The following BRIP1 variants were observed in gnomAD, a reference collection of about 807,000 sequenced individuals.
The protein encoded by BRIP1 is BRCA1 interacting DNA helicase 1, also known as Fanconi anemia group J protein.
A neutral mutation model predicts 119.7 loss-of-function variants in BRIP1; 88 were observed. The ratio of observed to expected loss-of-function variants is 0.74; its 90% confidence interval spans 0.62 to 0.88. BRIP1 has a LOEUF of 0.88. Among genes scored for constraint, BRIP1 ranks in the 40% least tolerant of loss-of-function variants. BRIP1 has a pLI of 0.00. For synonymous variants in BRIP1, 443 were observed against 496.5 expected (o/e 0.89, Z 1.43); for missense variants, 1,259 against 1,455.4 (o/e 0.87, Z 2.20).
At chr17:61,733,529 A>G (rs1215589762) in intron 16 of BRIP1, among the ~76,000 whole-genome samples, 2 of 152,120 alleles carry the variant, frequency 1.3e-5, no homozygotes, top group Non-Finnish European at 1.5e-5. Context: ...AAGCCTATCA[A>G]TTTTTTTGTG....
At position 61,802,016 on chromosome 17, in the gene BRIP1, G is replaced by A. The variant is rs1035105271; in HGVS notation, c.919-542C>T. Among the ~76,000 whole-genome samples the A allele has an allele frequency of 6.6e-6, 1 of 151,988 alleles. No individual in the cohort carries two copies. The highest frequency in any genetic ancestry group is 2.4e-5 in the African/African-American group (1 of 41,380). On this transcript the variant is annotated intron_variant, in intron 7 of 19. Coordinates refer to ENST00000259008, the MANE Select transcript of BRIP1 (RefSeq NM_032043.3). This position sits in a 1 kb window ranked among gnomAD's most constrained non-coding sequence, Gnocchi z 6.0. ...CTAAGGGGAAAAAAAGAAAGTAAGAGTATTCACTACAAAATATTCAGGAGT... is the reference window on the plus strand; with the variant it reads ...CTAAGGGGAAAAAAAGAAAGTAAGAATATTCACTACAAAATATTCAGGAGT...
In BRIP1 at chr17:61,794,707, A is replaced by C. The variant is rs2077873354; in HGVS notation, c.1341-978T>G. Among the ~76,000 whole-genome samples, 1 of 152,000 alleles carries C rather than the reference A, an allele frequency of 6.6e-6. No homozygotes were observed. The highest frequency in any genetic ancestry group is 1.5e-5 in the Non-Finnish European group (1 of 67,994). On this transcript the variant is annotated intron_variant, in intron 9 of 19. Coordinates refer to ENST00000259008, the MANE Select transcript of BRIP1 (RefSeq NM_032043.3). This position sits in a 1 kb window ranked among gnomAD's most constrained non-coding sequence, Gnocchi z 4.3. Reference sequence around the variant, plus strand: ...AAAGTTAAAAAAAAAAGTTCTAATAAAATGAAAAAAAAATCAGGTAATTAT... The same window carrying C: ...AAAGTTAAAAAAAAAAGTTCTAATACAATGAAAAAAAAATCAGGTAATTAT...
chr17:61,703,145 A>G lies in BRIP1; in HGVS notation c.2493-9633T>C, dbSNP rs2061642015. 6.6e-6 allele frequency among the ~76,000 whole-genome samples: 1 copy of G among 152,048 alleles called. No individual in the cohort carries two copies. Among genetic ancestry groups the G allele is most frequent in the African/African-American group, 2.4e-5 (1 of 41,410 alleles). On this transcript the variant is annotated intron_variant, in intron 17 of 19. Transcript: ENST00000259008. This position sits in a 1 kb window ranked among gnomAD's most constrained non-coding sequence, Gnocchi z 5.0. ...AGTGGCACAATCCCAACTCACTGCAAACTCCACCTCCCGGGTTCAAACGAT... is the reference window on the plus strand; with the variant it reads ...AGTGGCACAATCCCAACTCACTGCAGACTCCACCTCCCGGGTTCAAACGAT...
chr17:61,790,084 T>C (rs986628524), intron 10 of BRIP1, among the ~76,000 whole-genome samples: 10 of 152,210 alleles, frequency 6.6e-5, no homozygotes, highest in East Asian at 1.9e-4. Context: ...AGATGTTCCT[T>C]TGTGCCCCTT....
Position 61,740,601 on chromosome 17 carries a change from T to A in BRIP1, c.2379+2412A>T, listed in dbSNP as rs1227023236. Among the ~76,000 whole-genome samples the A allele has an allele frequency of 6.6e-6, 1 of 152,172 alleles. No individual in the cohort carries two copies. Among genetic ancestry groups the A allele is most frequent in the Non-Finnish European group, 1.5e-5 (1 of 68,036 alleles). On this transcript the variant is annotated intron_variant, in intron 16 of 19. Transcript: ENST00000259008. This position sits in a 1 kb window ranked among gnomAD's most constrained non-coding sequence, Gnocchi z 5.4. ...CCCTGAGAGACATTGCAAGTTTGGTTCCAGACCACCCCAATAAGGAGAATA... is the reference window on the plus strand; with the variant it reads ...CCCTGAGAGACATTGCAAGTTTGGTACCAGACCACCCCAATAAGGAGAATA...
Position 61,742,936 on chromosome 17 carries a change from T to C in BRIP1, c.2379+77A>G, listed in dbSNP as rs2144672913. ...ACTATAAAAGCAAAGCGCAATAAAA[T>C]GAGGGATCCCTGCAATTAACTTTAT... On this transcript the variant is annotated intron_variant, in intron 16 of 19. Coordinates refer to ENST00000259008, the MANE Select transcript of BRIP1 (RefSeq NM_032043.3). The surrounding 1 kb of genome is among the most constrained non-coding windows in gnomAD (Gnocchi z 4.7). 2 of 1,564,490 alleles carry C rather than the reference T, an allele frequency of 1.3e-6. No homozygotes were observed. Among genetic ancestry groups the C allele is most frequent in the Non-Finnish European group, 1.8e-6 (2 of 1,136,896 alleles).
chr17:61,822,282 T>C lies in BRIP1; in HGVS notation c.628-13525A>G, dbSNP rs12939624. Among the ~76,000 whole-genome samples, 3 of 152,194 alleles carry C rather than the reference T, an allele frequency of 2.0e-5. No individual in the cohort carries two copies. Among genetic ancestry groups the C allele is most frequent in the East Asian group, 3.8e-4 (2 of 5,206 alleles). ...TGTTACTAGAATTTTTATAAGCAAA[T>C]ATCACTTTTATAAAAACAATTACAT... On this transcript the variant is annotated intron_variant, in intron 6 of 19. Coordinates refer to ENST00000259008, the MANE Select transcript of BRIP1 (RefSeq NM_032043.3). The surrounding 1 kb of genome is among the most constrained non-coding windows in gnomAD (Gnocchi z 4.4).
Position 61,801,435 on chromosome 17 carries a change from T to C in BRIP1, c.958A>G (p.Ser320Gly), listed in dbSNP as rs2145341128. ...AAAGTCTGTAATGTGTGCTGATCAC[T>C]AATTTTATGAACTCCATGATAAAAA... Reference protein sequence around the residue: ...CYFYHGVHKISDQHTLQTFQG... With the variant: ...CYFYHGVHKIGDQHTLQTFQG... Residue 320 changes from serine to glycine, a missense_variant, in exon 8 of 20, where the codon AGT becomes GGT. By Grantham distance (56) the Ser-to-Gly change is moderately conservative. This residue lies in a region of BRIP1 where 501 missense variants were observed against 544.0 expected (regional missense o/e 0.92). Coordinates refer to ENST00000259008, the MANE Select transcript of BRIP1 (RefSeq NM_032043.3). The C allele has an allele frequency of 1.9e-6, 3 of 1,613,730 alleles. No individual in the cohort carries two copies. Among genetic ancestry groups the C allele is most frequent in the Non-Finnish European group, 2.5e-6 (3 of 1,179,700 alleles).
chr17:61,727,155 C>T (rs1051270422), intron 16 of BRIP1, among the ~76,000 whole-genome samples: 4 of 152,144 alleles, frequency 2.6e-5, no homozygotes, highest in African/African-American at 9.7e-5. Flanking sequence ...GGCAAGATTG[C>T]TCATGGAAGA....
Position 61,860,782 on chromosome 17 carries a change from G to GA in BRIP1, c.93+664dup, listed in dbSNP as rs2078963206. 6.6e-6 allele frequency among the ~76,000 whole-genome samples: 1 copy of GA among 152,070 alleles called. No homozygotes were observed. The highest frequency in any genetic ancestry group is 2.4e-5 in the African/African-American group (1 of 41,400). On this transcript the variant is annotated intron_variant, in intron 2 of 19. Coordinates refer to ENST00000259008, the MANE Select transcript of BRIP1 (RefSeq NM_032043.3). The surrounding 1 kb of genome is among the most constrained non-coding windows in gnomAD (Gnocchi z 4.1). ...TAAATTCTGGTATATTCATCCAATG[G>GA]AATTTATACAACAATTAAAATGGAT...
chr17:61,844,829 C>A lies in BRIP1; in HGVS notation c.627+2272G>T, dbSNP rs922853825. On this transcript the variant is annotated intron_variant, in intron 6 of 19. Transcript: ENST00000259008. This position sits in a 1 kb window ranked among gnomAD's most constrained non-coding sequence, Gnocchi z 4.7. ...AGGCAGGATTTAGCTCTACTATTTA[C>A]TAGCTTTGTGATCTTAGGCCAGTTT... Among the ~76,000 whole-genome samples the A allele has an allele frequency of 1.3e-5, 2 of 152,220 alleles. No homozygotes were observed. Among genetic ancestry groups the A allele is most frequent in the Non-Finnish European group, 2.9e-5 (2 of 68,032 alleles).
Position 61,780,723 on chromosome 17 carries a change from C to G in BRIP1, c.1794+117G>C. The G allele has an allele frequency of 7.9e-7, 1 of 1,269,804 alleles. No homozygotes were observed. Among genetic ancestry groups the G allele is most frequent in the East Asian group, 2.3e-5 (1 of 42,672 alleles). The allele number at this position is 1,269,804 out of a possible 1,614,324, so 78.7% of individuals were successfully genotyped here. A position where few individuals can be genotyped will look rare whatever the true frequency, so the allele number is the denominator to read the frequency against. On this transcript the variant is annotated intron_variant, in intron 12 of 19. Coordinates refer to ENST00000259008, the MANE Select transcript of BRIP1 (RefSeq NM_032043.3). The surrounding 1 kb of genome is among the most constrained non-coding windows in gnomAD (Gnocchi z 5.4). ...AGCCTGGGTGAAGAGCAAGACCCTGCCTCAAAACAACAACAACAACAACAA... is the reference window on the plus strand; with the variant it reads ...AGCCTGGGTGAAGAGCAAGACCCTGGCTCAAAACAACAACAACAACAACAA...
chr17:61,839,519 C>T (rs1367599891), intron 6 of BRIP1, among the ~76,000 whole-genome samples: 1 of 152,046 alleles, frequency 6.6e-6, no homozygotes, highest in Admixed American at 6.5e-5. Context: ...CTTTGCATTG[C>T]AAAAGTGCTT....
chr17:61,791,509 A>AAAAAAAAC, intron 10 of BRIP1, among the ~76,000 whole-genome samples: 1 of 149,004 alleles, frequency 6.7e-6, no homozygotes. Flanking sequence ...AAAAAAAAAA[A>AAAAAAAAC]AGAATTTGAG....
intron 6 of BRIP1, among the ~76,000 whole-genome samples, chr17:61,817,180 T>A (rs2078249046): frequency 6.6e-6 from 1 of 151,988 alleles, no homozygotes; most frequent in South Asian, 2.1e-4. Context: ...GATTATTAAA[T>A]CCAAACAATC....
rs1166577499 is a variant in BRIP1, at chr17:61,740,700, G to A, written c.2379+2313C>T. Among the ~76,000 whole-genome samples, 2 of 152,132 alleles carry A rather than the reference G, an allele frequency of 1.3e-5. No homozygotes were observed. Among genetic ancestry groups the A allele is most frequent in the East Asian group, 1.9e-4 (1 of 5,200 alleles). On this transcript the variant is annotated intron_variant, in intron 16 of 19. Coordinates refer to ENST00000259008, the MANE Select transcript of BRIP1 (RefSeq NM_032043.3). The surrounding 1 kb of genome is among the most constrained non-coding windows in gnomAD (Gnocchi z 5.4). ...AAAGCTATGTTTACACTATACTGCA[G>A]TCTATTAAGTGGGCAACAGCATTAT...
rs1456509599 is a variant in BRIP1 at position 61,822,133 on chromosome 17, C to T, written c.628-13376G>A. On this transcript the variant is annotated intron_variant, in intron 6 of 19. Coordinates refer to ENST00000259008, the MANE Select transcript of BRIP1 (RefSeq NM_032043.3). This position sits in a 1 kb window ranked among gnomAD's most constrained non-coding sequence, Gnocchi z 4.4. ...ATAAATTAATGAATGAAATGTCTTC[C>T]CTATAAGCGTTACATAAAATTAGTA... Among the ~76,000 whole-genome samples the T allele has an allele frequency of 2.0e-5, 3 of 151,720 alleles. No individual in the cohort carries two copies. Among genetic ancestry groups the T allele is most frequent in the South Asian group, 4.2e-4 (2 of 4,784 alleles).
At position 61,774,747 on chromosome 17, in the gene BRIP1, G is replaced by A. The variant is rs1024356343; in HGVS notation, c.2097+1654C>T. ...CTGTGTCTTTATTTTTAATTGAAAA[G>A]CTAGAAGCAGAAAAATAATCTATTC... On this transcript the variant is annotated intron_variant, in intron 14 of 19. Coordinates refer to ENST00000259008, the MANE Select transcript of BRIP1 (RefSeq NM_032043.3). The surrounding 1 kb of genome is among the most constrained non-coding windows in gnomAD (Gnocchi z 5.8). 1.2e-4 allele frequency among the ~76,000 whole-genome samples: 19 copies of A among 152,102 alleles called. No homozygotes were observed. The highest frequency in any genetic ancestry group is 6.5e-5 in the Admixed American group (1 of 15,274).
Position 61,744,676 on chromosome 17 carries a change from G to A in BRIP1, c.2098-85C>T. The A allele has an allele frequency of 8.7e-7, 1 of 1,150,322 alleles. No homozygotes were observed. The highest frequency in any genetic ancestry group is 1.3e-6 in the Non-Finnish European group (1 of 763,430). 71.3% of individuals were successfully genotyped at this position (1,150,322 alleles called of 1,614,324 possible). A position where few individuals can be genotyped will look rare whatever the true frequency, so the allele number is the denominator to read the frequency against. ...ATTTGTTTAAGCCAATGTGACTACG[G>A]CAAGTATATTAATCTCTCTGTGTCT... On this transcript the variant is annotated intron_variant, in intron 14 of 19. Transcript: ENST00000259008. This position sits in a 1 kb window ranked among gnomAD's most constrained non-coding sequence, Gnocchi z 5.0.
Sources: allele counts gnomAD v4.1 joint callset (sites outside exome capture counted in the v4.1 genomes callset), GRCh38; gene constraint gnomAD v4.1.1; regional missense constraint gnomAD v4.1.1; non-coding constraint Gnocchi (gnomAD v3.1); transcripts MANE v1.5; gene names NCBI Gene and HGNC (gene_info 2026-07-23, HGNC 2026-07-21).